CAD: variants seen among roughly 807,000 people sequenced by gnomAD.
The protein encoded by CAD is multifunctional protein CAD.
A neutral mutation model predicts 237.2 loss-of-function variants in CAD; 81 were observed. The ratio of observed to expected loss-of-function variants is 0.34; its 90% CI spans 0.29 to 0.41. The LOEUF (loss-of-function observed/expected upper bound fraction) is 0.41. Ranked by LOEUF, CAD falls within the 10% of genes least tolerant of loss-of-function variation. The pLI is 1.00. For missense variants in CAD, 2,181 were observed against 2,951.7 expected (o/e 0.74, Z 6.05); for synonymous variants, 1,196 against 1,162.8 (o/e 1.03, Z -0.58).
chr2:27,235,491 T>G lies in CAD; in HGVS notation c.3970-45T>G, dbSNP rs770083238. On this transcript the variant is annotated intron_variant, in intron 24 of 43. Transcript: ENST00000264705. The surrounding 1 kb of genome is among the most constrained non-coding windows in gnomAD (Gnocchi z 5.2). ...CCCTGGGCCAGGGCTGACCTTGAAATGGAAGACAGGAAGAAAACAATTTCA... is the reference window on the plus strand; with the variant it reads ...CCCTGGGCCAGGGCTGACCTTGAAAGGGAAGACAGGAAGAAAACAATTTCA... The G allele has an allele frequency of 6.2e-7, 1 of 1,612,444 alleles. No individual in the cohort carries two copies. The highest frequency in any genetic ancestry group is 8.5e-7 in the Non-Finnish European group (1 of 1,178,712).
intron 12 of CAD, 50 bp from the exon 13 acceptor site, chr2:27,226,081 C>T (rs374612822): frequency 6.4e-7 from 1 of 1,571,262 alleles, no homozygotes; most frequent in Non-Finnish European, 8.8e-7. Flanking sequence ...CAGCCTTCTG[C>T]CTCTCCTGAC....
At position 27,231,553 on chromosome 2, in the gene CAD, T is replaced by C. The variant is rs1675757325; in HGVS notation, c.2373T>C (p.Asp791=). The change falls in exon 16 of 44, where the codon GAT becomes GAC. Residue 791 remains aspartate, a synonymous_variant. Transcript: ENST00000264705. ...TGGATGAGAACTGTGTGGGCTTTGA[T>C]CACACAGTGAAACCAGTCAGCGATA... ...RMVDENCVGF[D]HTVKPVSDME... 6.2e-7 allele frequency: 1 copy of C among 1,612,248 alleles called. No homozygotes were observed. Among genetic ancestry groups the C allele is most frequent in the Non-Finnish European group, 8.5e-7 (1 of 1,178,324 alleles).
In CAD at chr2:27,232,845, G is replaced by A. The variant is rs567027847; in HGVS notation, c.2892+151G>A. The A allele has an allele frequency of 4.1e-6, 4 of 969,918 alleles. No individual in the cohort carries two copies. The highest frequency in any genetic ancestry group is 1.6e-5 in the African/African-American group (1 of 62,236). 60.1% of individuals were successfully genotyped at this position (969,918 alleles called of 1,614,324 possible). On this transcript the variant is annotated intron_variant, in intron 18 of 43. Transcript: ENST00000264705. This position sits in a 1 kb window ranked among gnomAD's most constrained non-coding sequence, Gnocchi z 4.1. ...GGGGTCCTTTTAGGCCATCTCTCAT[G>A]CCCCACACGGTATATGAATCTCTTC...
Position 27,232,930 on chromosome 2 carries a change from G to A in CAD, c.2893-112G>A. 1.2e-6 allele frequency: 1 copy of A among 838,460 alleles called. No homozygotes were observed. 51.9% of individuals were successfully genotyped at this position (838,460 alleles called of 1,614,324 possible). On this transcript the variant is annotated intron_variant, in intron 18 of 43. Transcript: ENST00000264705. The surrounding 1 kb of genome is among the most constrained non-coding windows in gnomAD (Gnocchi z 4.1). ...GGGGTCCTGTACAGCTCTTTCAGAG[G>A]AAGCTGTGCTGGCAGTCTCTGAAGT... is the stretch of plus-strand genomic sequence containing the variant.
intron 1 of CAD, 77 bp downstream of exon 1, chr2:27,217,710 C>T: frequency 7.0e-7 from 1 of 1,437,192 alleles, no homozygotes; most frequent in Non-Finnish European, 9.4e-7. Flanking sequence ...CCCGTCCAGA[C>T]CCCGCCATTT....
Position 27,217,639 on chromosome 2 carries a change from C to A in CAD, c.82+6C>A, listed in dbSNP as rs769112701. ...GTCGACTGCCGGGGAAGTGGGTAAG[C>A]AAGCCCGGTTAGGCTGCAGACCTTA... On this transcript the variant is annotated splice_donor_region_variant and intron_variant, in intron 1 of 43. Coordinates refer to ENST00000264705, the MANE Select transcript of CAD (RefSeq NM_004341.5). 10 of 1,602,026 alleles carry A rather than the reference C, an allele frequency of 6.2e-6. No homozygotes were observed. The highest frequency in any genetic ancestry group is 8.5e-6 in the Non-Finnish European group (10 of 1,174,402).
At chr2:27,224,641 G>T in intron 9 of CAD, 104 bp from the exon 10 acceptor site, 1 of 1,543,014 alleles carries the variant, frequency 6.5e-7, no homozygotes, top group Non-Finnish European at 8.9e-7. Context: ...CAATTATTAG[G>T]GGCCAAGAGT....
At position 27,239,902 on chromosome 2, in the gene CAD, T is replaced by C; in HGVS notation, c.5496+104T>C. ...GGTTCAGGAACAATTGGGGTTTTCT[T>C]GAGGGACTGAATTTGAAGTGGGGTT... On this transcript the variant is annotated intron_variant, in intron 34 of 43. Transcript: ENST00000264705. The surrounding 1 kb of genome is among the most constrained non-coding windows in gnomAD (Gnocchi z 4.0). 2 of 845,386 alleles carry C rather than the reference T, an allele frequency of 2.4e-6. No individual in the cohort carries two copies. Among genetic ancestry groups the C allele is most frequent in the Non-Finnish European group, 3.6e-6 (2 of 554,282 alleles). The allele number at this position is 845,386 out of a possible 1,614,324, so 52.4% of individuals were successfully genotyped here. A position where few individuals can be genotyped will look rare whatever the true frequency, so the allele number is the denominator to read the frequency against.
chr2:27,238,310 G>A (rs1676124044), intron 30 of CAD, 121 bp from the exon 31 acceptor site: 14 of 1,461,490 alleles, frequency 9.6e-6, no homozygotes, highest in South Asian at 6.5e-5. Flanking sequence ...GGAGGGTCTC[G>A]AGCCAGCACC....
At position 27,221,753 on chromosome 2, in the gene CAD, ATTTTTTTTTTT is replaced by A. The variant is rs57429918; in HGVS notation, c.352+423_353-414del. On this transcript the variant is annotated intron_variant, in intron 3 of 43. Coordinates refer to ENST00000264705, the MANE Select transcript of CAD (RefSeq NM_004341.5). ...TCCAGGCAATGTTTAAAATTTCCCA[ATTTTTTTTTTT>A]TTTTTTTTTTTTTTTTCTGTTCATT... Among the ~76,000 whole-genome samples, 230 of 103,518 alleles carry A rather than the reference ATTTTTTTTTTT, an allele frequency of 2.2e-3. 3 individuals carry two copies. The East Asian group carries it at 0.033, about 15-fold the overall frequency. The allele number at this position is 103,518 out of a possible 152,430, so 67.9% of individuals were successfully genotyped here.
In CAD at chr2:27,242,501, G is replaced by C. The variant is rs950518471; in HGVS notation, c.6222+74G>C. On this transcript the variant is annotated intron_variant, in intron 40 of 43. Coordinates refer to ENST00000264705, the MANE Select transcript of CAD (RefSeq NM_004341.5). This position sits in a 1 kb window ranked among gnomAD's most constrained non-coding sequence, Gnocchi z 6.4. ...AGGGAGGCAGGAAGTGGTTACCCCGGTACAGGACAGCTGCATCAAGGAGGC... is the reference window on the plus strand; with the variant it reads ...AGGGAGGCAGGAAGTGGTTACCCCGCTACAGGACAGCTGCATCAAGGAGGC... 5 of 1,578,696 alleles carry C rather than the reference G, an allele frequency of 3.2e-6. No homozygotes were observed. In the African/African-American group the frequency reaches 5.4e-5, roughly 17 times the overall value.
chr2:27,217,581 G>A lies in CAD; in HGVS notation c.30G>A (p.Ser10=). The change falls in exon 1 of 44, where the codon TCG becomes TCA. Residue 10 remains serine (S), a synonymous_variant. Coordinates refer to ENST00000264705, the MANE Select transcript of CAD (RefSeq NM_004341.5). MAALVLEDG[S]VLRGQPFGAA... Reference sequence around the variant, plus strand: ...CGGCCCTAGTGTTGGAGGACGGGTCGGTCCTGCGGGGCCAGCCCTTTGGGG... The same window carrying A: ...CGGCCCTAGTGTTGGAGGACGGGTCAGTCCTGCGGGGCCAGCCCTTTGGGG... 6.2e-7 allele frequency: 1 copy of A among 1,608,336 alleles called. No individual in the cohort carries two copies. The highest frequency in any genetic ancestry group is 1.7e-5 in the Admixed American group (1 of 59,680).
In CAD at chr2:27,233,942, G is replaced by A. The variant is rs1475891804; in HGVS notation, c.3400-66G>A. ...CTATGTGGGGCTCGTTAAAGGAAGA[G>A]ACAATCCTAGAGTAAGTGAGAGAAG... On this transcript the variant is annotated intron_variant, in intron 21 of 43. Coordinates refer to ENST00000264705, the MANE Select transcript of CAD (RefSeq NM_004341.5). The surrounding 1 kb of genome is among the most constrained non-coding windows in gnomAD (Gnocchi z 6.3). 2 of 1,555,550 alleles carry A rather than the reference G, an allele frequency of 1.3e-6. No homozygotes were observed. Among genetic ancestry groups the A allele is most frequent in the African/African-American group, 2.7e-5 (2 of 73,554 alleles).
intron 2 of CAD, among the ~76,000 whole-genome samples, chr2:27,218,620 G>C (rs1453604703): frequency 2.0e-5 from 3 of 152,100 alleles, no homozygotes; most frequent in Non-Finnish European, 1.5e-5. Context: ...TACTGACATG[G>C]CCTCGTCTGA....
chr2:27,242,053 A>T lies in CAD; in HGVS notation c.6026A>T (p.Asp2009Val). Reference protein sequence around the residue: ...SSVQKGESLADSVQTMSCYAD... With the variant: ...SSVQKGESLAVSVQTMSCYAD... ...GTCCAGAAGGGCGAATCCCTGGCTG[A>T]CTCCGTGCAGACCATGAGCTGCTAT... Residue 2009 changes from aspartate (D) to valine (V), a missense_variant, in exon 39 of 44, where the codon GAC becomes GTC. Around this residue, in one of 12 missense-constraint regions of CAD, gnomAD observed 203 missense variants for 284.5 expected, o/e 0.71. Transcript: ENST00000264705. The surrounding 1 kb of genome is among the most constrained non-coding windows in gnomAD (Gnocchi z 6.4). 1 of 1,613,104 alleles carries T rather than the reference A, an allele frequency of 6.2e-7. No individual in the cohort carries two copies. Among genetic ancestry groups the T allele is most frequent in the African/African-American group, 1.3e-5 (1 of 74,938 alleles).
Position 27,240,937 on chromosome 2 carries a change from C to T in CAD, c.5620C>T (p.Arg1874Trp), listed in dbSNP as rs1354214113. Residue 1874 changes from arginine to tryptophan, a missense_variant, in exon 36 of 44, where the codon CGG becomes TGG. Arg to Trp is a moderately radical substitution (Grantham distance 101, BLOSUM62 -3). Around this residue, in one of 12 missense-constraint regions of CAD, gnomAD observed 203 missense variants for 284.5 expected, o/e 0.71. Coordinates refer to ENST00000264705, the MANE Select transcript of CAD (RefSeq NM_004341.5). This position sits in a 1 kb window ranked among gnomAD's most constrained non-coding sequence, Gnocchi z 4.6. ...PAEEPKEKSS[R>W]KVAEPELMGT... Reference sequence around the variant, plus strand: ...TGAGGAGCCAAAGGAGAAGTCCTCTCGGAAGGTAGCCGAGCCAGGTGAGAC... The same window carrying T: ...TGAGGAGCCAAAGGAGAAGTCCTCTTGGAAGGTAGCCGAGCCAGGTGAGAC... 3 of 1,614,040 alleles carry T rather than the reference C, an allele frequency of 1.9e-6. No individual in the cohort carries two copies. The highest frequency in any genetic ancestry group is 2.7e-5 in the African/African-American group (2 of 74,918).
chr2:27,221,615 A>G (rs981706651), intron 3 of CAD, among the ~76,000 whole-genome samples: 10 of 152,172 alleles, frequency 6.6e-5, no homozygotes, highest in Non-Finnish European at 1.5e-4. Flanking sequence ...AATCTCAGAC[A>G]TCATATCATT....
chr2:27,240,912 T>C lies in CAD; in HGVS notation c.5595T>C (p.Ala1865=), dbSNP rs1386283131. Residue 1865 remains alanine (A), a splice_region_variant and synonymous_variant, in exon 36 of 44, where the codon GCT becomes GCC. Coordinates refer to ENST00000264705, the MANE Select transcript of CAD (RefSeq NM_004341.5). The surrounding 1 kb of genome is among the most constrained non-coding windows in gnomAD (Gnocchi z 4.6). Reference sequence around the variant, plus strand: ...TCTGTCCTCTTGTCCTGTTTGCAGCTGAGGAGCCAAAGGAGAAGTCCTCTC... The same window carrying C: ...TCTGTCCTCTTGTCCTGTTTGCAGCCGAGGAGCCAAAGGAGAAGTCCTCTC... ...IHRASDPGLP[A]EEPKEKSSRK... is the part of the protein sequence containing the mutation. The C allele has an allele frequency of 3.7e-6, 6 of 1,614,012 alleles. No homozygotes were observed. The Admixed American group carries it at 5.0e-5, about 13-fold the overall frequency.
chr2:27,237,705 G>T lies in CAD; in HGVS notation c.4564-13G>T, dbSNP rs776913712. 6.2e-7 allele frequency: 1 copy of T among 1,609,478 alleles called. No homozygotes were observed. The highest frequency in any genetic ancestry group is 1.1e-5 in the South Asian group (1 of 90,058). The stretch of plus-strand genomic sequence containing the variant: ...GGGTGCCAGTGAGCCTTACCTCTGT[G>T]TATCCTCTCCAGCTGGCAGAGGCTG... On this transcript the variant is annotated splice_polypyrimidine_tract_variant and intron_variant, in intron 28 of 43. Transcript: ENST00000264705. The surrounding 1 kb of genome is among the most constrained non-coding windows in gnomAD (Gnocchi z 4.0).
Sources: allele counts gnomAD v4.1 joint callset (sites outside exome capture counted in the v4.1 genomes callset), GRCh38; gene constraint gnomAD v4.1.1; regional missense constraint gnomAD v4.1.1; non-coding constraint Gnocchi (gnomAD v3.1); transcripts MANE v1.5; gene names NCBI Gene and HGNC (gene_info 2026-07-23, HGNC 2026-07-21).